The following CD80 variants were observed in gnomAD, a reference collection of about 807,000 sequenced individuals.
CD80 encodes T-lymphocyte activation antigen CD80.
A neutral mutation model predicts 27.1 loss-of-function variants in CD80; 13 were observed. The ratio of observed to expected loss-of-function variants is 0.48; its 90% CI spans 0.31 to 0.76. The LOEUF is 0.76. Among genes scored for constraint, CD80 ranks in the 30% least tolerant of loss-of-function variants. The pLI, the probability that CD80 is intolerant of heterozygous loss-of-function variation, is 0.04. For missense variants in CD80, 277 were observed against 347.9 expected (o/e 0.80, Z 1.62); for synonymous variants, 125 against 125.5 (o/e 1.00, Z 0.03).
intron 3 of CD80, among the ~76,000 whole-genome samples, chr3:119,540,723 A>T (rs2082163530): frequency 6.6e-6 from 1 of 152,192 alleles, no homozygotes; most frequent in Non-Finnish European, 1.5e-5. Context: ...AATAAACTAC[A>T]GGAATGCCAC....
chr3:119,551,874 A>T (rs2082234194), intron 2 of CD80, among the ~76,000 whole-genome samples: 1 of 152,188 alleles, frequency 6.6e-6, no homozygotes, highest in African/African-American at 2.4e-5. Flanking sequence ...TGATTCTTGA[A>T]CTGAGTTCAG....
rs1252062524 is a variant in CD80 at position 119,537,302 on chromosome 3, C to T, written c.535G>A (p.Gly179Arg). 2.5e-6 allele frequency: 4 copies of T among 1,614,082 alleles called. No individual in the cohort carries two copies. The highest frequency in any genetic ancestry group is 2.5e-6 in the Non-Finnish European group (3 of 1,179,994). The change falls in exon 4 of 7, where the codon GGA becomes AGA. Residue 179 changes from glycine to arginine, a missense_variant. Physicochemically the swap from Gly to Arg is moderately radical, Grantham distance 125 (BLOSUM62 -2). Transcript: ENST00000264246. ...PEPHLSWLEN[G>R]EELNAINTTV... ...GTGTTGATGGCATTTAATTCTTCTC[C>T]ATTTTCCAACCAGGAGAGGTGAGGC... is the stretch of plus-strand genomic sequence containing the variant.
chr3:119,537,206 TG>T lies in CD80; in HGVS notation c.630del (p.Asn211ThrfsTer13), dbSNP rs2082144056. The T allele has an allele frequency of 1.9e-6, 3 of 1,614,130 alleles. No homozygotes were observed. The East Asian group carries it at 6.7e-5, about 36-fold the overall frequency. ...VSSKLDFNMT[T>X]NHSFMCLIKY... ...TTGATGAGACACATGAAGCTGTGGT[TG>T]GTTGTCATATTGAAATCCAGTTTGC... On this transcript the variant is annotated frameshift_variant, in exon 4 of 7. Coordinates refer to ENST00000264246, the MANE Select transcript of CD80 (RefSeq NM_005191.4). LOFTEE classifies it high-confidence loss of function.
At chr3:119,527,871 A>T in intron 5 of CD80, 30 bp from the exon 6 acceptor site, 1 of 1,584,012 alleles carries the variant, frequency 6.3e-7, no homozygotes, top group Non-Finnish European at 8.7e-7. Context: ...AATAAAAATG[A>T]TAAGTAAGTT....
intron 3 of CD80, among the ~76,000 whole-genome samples, chr3:119,543,315 A>G (rs1473761702): frequency 6.6e-6 from 1 of 152,162 alleles, no homozygotes; most frequent in Admixed American, 6.5e-5. Flanking sequence ...TGCCTTCCAC[A>G]GTAGGTACAT....
intron 2 of CD80, among the ~76,000 whole-genome samples, chr3:119,548,325 C>T (rs561331044): frequency 5.5e-4 from 84 of 152,264 alleles, no homozygotes; most frequent in African/African-American, 2.0e-3. Context: ...AAGGCACCTG[C>T]TTGTCTTATG....
At chr3:119,556,971 A>T (rs1325664522) in intron 2 of CD80, among the ~76,000 whole-genome samples, 2 of 152,200 alleles carry the variant, frequency 1.3e-5, no homozygotes, top group Non-Finnish European at 2.9e-5. Context: ...TCAAATTATT[A>T]CTTTCAGGAC....
intron 2 of CD80, among the ~76,000 whole-genome samples, chr3:119,547,164 C>T (rs2082206584): frequency 6.6e-6 from 1 of 152,186 alleles, no homozygotes; most frequent in South Asian, 2.1e-4. Flanking sequence ...AGAACATGGG[C>T]TTTTTTCATT....
chr3:119,525,969 C>A (rs2082063967), intron 6 of CD80, among the ~76,000 whole-genome samples: 1 of 151,094 alleles, frequency 6.6e-6, no homozygotes, highest in Non-Finnish European at 1.5e-5. Context: ...CAAGGGTATT[C>A]CCAGCTTGTA....
chr3:119,535,397 A>G (rs969034493), intron 4 of CD80, among the ~76,000 whole-genome samples: 1 of 152,164 alleles, frequency 6.6e-6, no homozygotes, highest in Non-Finnish European at 1.5e-5. Context: ...GTTTCTTACT[A>G]TACAGTCACA....
chr3:119,553,572 T>G (rs1374624686), intron 2 of CD80, among the ~76,000 whole-genome samples: 1 of 152,190 alleles, frequency 6.6e-6, no homozygotes, highest in African/African-American at 2.4e-5. Context: ...GAGGATGCAG[T>G]GGCCAGTCTG....
chr3:119,526,678 G>C (rs62264486), intron 6 of CD80, among the ~76,000 whole-genome samples: 2,974 of 152,280 alleles, frequency 0.02, 61 homozygotes, highest in Middle Eastern at 0.048. Flanking sequence ...TGCTCATAGA[G>C]ATTTTTATAA....
At chr3:119,540,594 CTG>C (rs1369407783) in intron 3 of CD80, among the ~76,000 whole-genome samples, 1 of 152,076 alleles carries the variant, frequency 6.6e-6, no homozygotes, top group Non-Finnish European at 1.5e-5. Context: ...CTAGAATATT[CTG>C]TGTTTCTTAT....
At chr3:119,555,197 G>C (rs1035204142) in intron 2 of CD80, among the ~76,000 whole-genome samples, 1 of 152,244 alleles carries the variant, frequency 6.6e-6, no homozygotes, top group South Asian at 2.1e-4. Context: ...TTCCGCCACT[G>C]TCTACATCCT....
At chr3:119,554,532 C>T (rs1431508898) in intron 2 of CD80, among the ~76,000 whole-genome samples, 4 of 152,178 alleles carry the variant, frequency 2.6e-5, no homozygotes, top group Admixed American at 2.0e-4. Context: ...TAGACAGTGC[C>T]TGCAGGCCTA....
chr3:119,538,312 T>G (rs1419620808), intron 3 of CD80, among the ~76,000 whole-genome samples: 1 of 152,216 alleles, frequency 6.6e-6, no homozygotes, highest in African/African-American at 2.4e-5. Flanking sequence ...TCTTCTCTTC[T>G]CTTCTTTTCT....
chr3:119,527,778 G>A lies in CD80; in HGVS notation c.860C>T (p.Pro287Leu), dbSNP rs1326386326. 3 of 1,613,466 alleles carry A rather than the reference G, an allele frequency of 1.9e-6. No individual in the cohort carries two copies. In the African/African-American group the frequency reaches 4.0e-5, roughly 22 times the overall value. The change falls in exon 6 of 7, where the codon CCT becomes CTT. Residue 287 changes from proline (P) to leucine (L), a missense_variant. By Grantham distance (98) the Pro-to-Leu change is moderately conservative. Transcript: ENST00000264246. ...NERLRRESVRPV is the reference protein window; with the variant it reads ...NERLRRESVRLV ...TTGCTTCTGCGGACACTGTTATACA[G>A]GGCGTACACTTTCCCTTCTCAATCT... is the stretch of plus-strand genomic sequence containing the variant.
At chr3:119,534,386 AG>A (rs545960541) in intron 4 of CD80, among the ~76,000 whole-genome samples, 1 of 148,666 alleles carries the variant, frequency 6.7e-6, no homozygotes, top group East Asian at 1.9e-4. Context: ...AAAAAAAAAA[AG>A]AAAAAGAAAA....
intron 5 of CD80, among the ~76,000 whole-genome samples, 168 bp from the exon 6 acceptor site, chr3:119,528,009 A>C (rs1193461000): frequency 6.6e-6 from 1 of 152,090 alleles, no homozygotes; most frequent in East Asian, 1.9e-4. Flanking sequence ...TGCCAAGGGG[A>C]CATTTGGCAA....
Sources: allele counts gnomAD v4.1 joint callset (sites outside exome capture counted in the v4.1 genomes callset), GRCh38; gene constraint gnomAD v4.1.1; transcripts MANE v1.5; gene names NCBI Gene and HGNC (gene_info 2026-07-23, HGNC 2026-07-21).